The following ANO4 variants were observed in gnomAD, a reference collection of about 807,000 sequenced individuals.
ANO4 encodes the protein anoctamin-4.
In ANO4, 69 loss-of-function variants were observed where a neutral mutation model predicts 141.9. The observed-to-expected ratio is 0.49, with a 90% CI of 0.40 to 0.59. The LOEUF is 0.59. ANO4 is among the 20% of genes least tolerant of loss of function. The pLI is 0.00. For synonymous variants in ANO4, 350 were observed against 394.3 expected (o/e 0.89, Z 1.33); for missense variants, 894 against 1,162.2 (o/e 0.77, Z 3.36).
chr12:101,043,829 C>G (rs1191698218), intron 13 of ANO4, among the ~76,000 whole-genome samples, 194 bp downstream of exon 13: 4 of 152,180 alleles, frequency 2.6e-5, no homozygotes, highest in Non-Finnish European at 5.9e-5. Flanking sequence ...AGGCATGGCT[C>G]TAGACATCAT....
chr12:100,903,311 G>T (rs184711362), intron 2 of ANO4, among the ~76,000 whole-genome samples: 87 of 152,034 alleles, frequency 5.7e-4, no homozygotes, highest in African/African-American at 2.0e-3. Context: ...TATTTCTCTC[G>T]CATGTAACTT....
intron 8 of ANO4, among the ~76,000 whole-genome samples, chr12:100,996,353 GA>G (rs1158696751): frequency 6.6e-6 from 1 of 152,192 alleles, no homozygotes; most frequent in East Asian, 1.9e-4. Flanking sequence ...GCTAACAATG[GA>G]AATGTTGGTG....
chr12:100,908,961 C>T (rs1369222060), intron 2 of ANO4, among the ~76,000 whole-genome samples: 1 of 152,150 alleles, frequency 6.6e-6, no homozygotes, highest in Admixed American at 6.5e-5. Context: ...GGAATTTGCC[C>T]TCCTTGGAGT....
chr12:100,838,229 CAAAAAAAAA>C (rs11331726), intron 1 of ANO4, among the ~76,000 whole-genome samples: 1 of 84,242 alleles, frequency 1.2e-5, no homozygotes, highest in Non-Finnish European at 2.3e-5. Context: ...GACTCCGTCT[CAAAAAAAAA>C]AAAAAAAAAA....
intron 1 of ANO4, among the ~76,000 whole-genome samples, chr12:100,890,503 A>G (rs1384967066): frequency 6.6e-6 from 1 of 152,214 alleles, no homozygotes; most frequent in Non-Finnish European, 1.5e-5. Context: ...TATCTGTGAG[A>G]GAAACCTTAT....
chr12:101,074,802 T>C (rs939128390), intron 14 of ANO4, among the ~76,000 whole-genome samples: 3 of 152,220 alleles, frequency 2.0e-5, no homozygotes, highest in Admixed American at 1.3e-4. Context: ...TAATTTCTTA[T>C]AAGCATATGA....
intron 17 of ANO4, among the ~76,000 whole-genome samples, chr12:101,088,961 C>T (rs1032553449): frequency 2.0e-5 from 3 of 152,058 alleles, no homozygotes; most frequent in African/African-American, 4.8e-5. Flanking sequence ...CATAGAGTGC[C>T]AAGGACAGTT....
intron 3 of ANO4, among the ~76,000 whole-genome samples, chr12:100,770,023 C>T (rs2033229068): frequency 6.6e-6 from 1 of 152,156 alleles, no homozygotes; most frequent in African/African-American, 2.4e-5. Context: ...ATTATGCAGA[C>T]AGCAATAAAA....
intron 2 of ANO4, among the ~76,000 whole-genome samples, chr12:100,916,504 G>A (rs1449233181): frequency 6.6e-6 from 1 of 152,132 alleles, no homozygotes; most frequent in African/African-American, 2.4e-5. Context: ...ATAAAAGGGG[G>A]ATACAGTTTG....
At chr12:101,012,313 T>G (rs1345776924) in intron 8 of ANO4, among the ~76,000 whole-genome samples, 1 of 151,902 alleles carries the variant, frequency 6.6e-6, no homozygotes, top group African/African-American at 2.4e-5. Flanking sequence ...TTTTAAAAAT[T>G]TTAGGGAGTA....
intron 5 of ANO4, among the ~76,000 whole-genome samples, chr12:100,944,013 C>T (rs973202057): frequency 6.6e-6 from 1 of 152,094 alleles, no homozygotes; most frequent in Non-Finnish European, 1.5e-5. Context: ...ATTCTGATTC[C>T]CATCAAAACT....
intron 3 of ANO4, among the ~76,000 whole-genome samples, chr12:100,760,972 T>C (rs2032833774): frequency 6.6e-6 from 1 of 152,210 alleles, no homozygotes; most frequent in African/African-American, 2.4e-5. Flanking sequence ...TCTCATCCTA[T>C]GTATCTTAAC....
chr12:101,111,814 C>T (rs2050676934), intron 24 of ANO4, 104 bp downstream of exon 24: 2 of 1,031,068 alleles, frequency 1.9e-6, no homozygotes, highest in Non-Finnish European at 2.6e-6. Flanking sequence ...AATACATGCC[C>T]AGAAGGAGAG....
intron 9 of ANO4, among the ~76,000 whole-genome samples, chr12:101,032,783 A>G (rs930486866): frequency 3.3e-5 from 5 of 151,698 alleles, no homozygotes; most frequent in African/African-American, 1.2e-4. Flanking sequence ...ATCTCACACC[A>G]GTTAGAATGG....
chr12:100,870,647 T>C (rs925978278), intron 1 of ANO4, among the ~76,000 whole-genome samples: 7 of 152,176 alleles, frequency 4.6e-5, no homozygotes, highest in African/African-American at 1.7e-4. Flanking sequence ...TAAATTTTAA[T>C]TGGGGTTTGA....
At chr12:101,120,737 A>G in intron 26 of ANO4, 112 bp downstream of exon 26, 1 of 796,288 alleles carries the variant, frequency 1.3e-6, no homozygotes, top group Non-Finnish European at 2.1e-6. Flanking sequence ...TATTTCCAGA[A>G]GTAGTAGTGT....
intron 24 of ANO4, among the ~76,000 whole-genome samples, chr12:101,115,590 G>A (rs909248625): frequency 6.6e-6 from 1 of 152,204 alleles, no homozygotes; most frequent in African/African-American, 2.4e-5. Context: ...TATACAGGAT[G>A]TATCTAAGTG....
At chr12:100,914,073 A>G (rs1382059560) in intron 2 of ANO4, among the ~76,000 whole-genome samples, 1 of 152,220 alleles carries the variant, frequency 6.6e-6, no homozygotes, top group Non-Finnish European at 1.5e-5. Flanking sequence ...ATTGGAAGAC[A>G]CCACAGAATT....
At chr12:101,116,837 C>T in intron 25 of ANO4, 39 bp downstream of exon 25, 1 of 1,613,288 alleles carries the variant, frequency 6.2e-7, no homozygotes, top group Non-Finnish European at 8.5e-7. Flanking sequence ...CTGAGCTGGG[C>T]TGGCTCCACC....
Sources: gnomAD v4.1 joint callset for allele counts (sites outside exome capture counted in the v4.1 genomes callset) on GRCh38, gnomAD v4.1.1 for gene constraint, MANE v1.5 for transcripts, NCBI Gene and HGNC (gene_info 2026-07-23, HGNC 2026-07-21) for gene names.